Variants in DNAAF6 observed in about 807,000 individuals in gnomAD.
DNAAF6 encodes the protein dynein axonemal assembly factor 6, also known as PIH1 domain containing 3.
Under a neutral mutation model 13.7 loss-of-function variants are expected in DNAAF6, and 3 were observed. The observed-to-expected ratio is 0.22, with a 90% CI of 0.10 to 0.56. DNAAF6 has a LOEUF of 0.56. DNAAF6 is among the 20% of genes least tolerant of loss of function. The pLI, the probability that DNAAF6 is intolerant of heterozygous loss-of-function variation, is 0.92. For missense variants in DNAAF6, 130 were observed against 151.0 expected (o/e 0.86, Z 0.73); for synonymous variants, 54 against 49.2 (o/e 1.10, Z -0.41).
chrX:107,232,088 C>A (rs749503141), intron 5 of DNAAF6, among the ~76,000 whole-genome samples: 2 of 111,785 alleles, frequency 1.8e-5, no homozygotes, highest in Admixed American at 9.5e-5. Flanking sequence ...AAACTCCTGA[C>A]GTGAAGTGAT....
intron 5 of DNAAF6, among the ~76,000 whole-genome samples, chrX:107,228,466 C>A (rs1214408417): frequency 9.1e-6 from 1 of 109,828 alleles, no homozygotes. Context: ...TGCATTTCAG[C>A]TGATGACAAG....
At chrX:107,238,117 T>C (rs1782971447) in intron 5 of DNAAF6, among the ~76,000 whole-genome samples, 2 of 112,750 alleles carry the variant, frequency 1.8e-5, no homozygotes, top group Admixed American at 1.9e-4. Context: ...CATATAACAG[T>C]ACTTTACTCC....
chrX:107,229,223 C>T (rs769347656), intron 5 of DNAAF6, among the ~76,000 whole-genome samples: 4 of 98,054 alleles, frequency 4.1e-5, no homozygotes, highest in Non-Finnish European at 8.0e-5. Flanking sequence ...CTGCAAACTC[C>T]ACCTTCTGGG....
chrX:107,222,083 A>G (rs942545451), intron 4 of DNAAF6, among the ~76,000 whole-genome samples: 2 of 111,189 alleles, frequency 1.8e-5, no homozygotes, highest in Non-Finnish European at 3.8e-5. Context: ...GTGAAATATC[A>G]GGAAAACCTT....
rs900242234 is a variant in DNAAF6, at chrX:107,206,846, C to T, written c.-4+156C>T. Among the ~76,000 whole-genome samples the T allele has an allele frequency of 3.6e-5, 4 of 111,410 alleles. No individual in the cohort carries two copies. The South Asian group carries it at 1.5e-3, about 42-fold the overall frequency. ...GTGGAGAAGACCCGTTCCCTAAATC[C>T]CGCTATCCTAGACTCTTCACTAAAT... On this transcript the variant is annotated intron_variant, in intron 1 of 6. Coordinates refer to ENST00000372453, the MANE Select transcript of DNAAF6 (RefSeq NM_173494.2).
chrX:107,229,341 G>C (rs1194562276), intron 5 of DNAAF6, among the ~76,000 whole-genome samples: 1 of 107,008 alleles, frequency 9.3e-6, no homozygotes, highest in African/African-American at 3.4e-5. Flanking sequence ...TCCCAGGCTG[G>C]TCTCCAACTC....
In DNAAF6 at chrX:107,243,483, T is replaced by G; in HGVS notation, c.*185T>G. The stretch of plus-strand genomic sequence containing the variant: ...CTATTACTCTGTTAGGAAATATGTT[T>G]CCTTGGCCAGGTGCAATGGCTCATG... On this transcript the variant is annotated 3_prime_UTR_variant, in exon 7 of 7. Transcript: ENST00000372453. The G allele has an allele frequency of 1.7e-6, 1 of 584,499 alleles. No individual in the cohort carries two copies. Among genetic ancestry groups the G allele is most frequent in the Non-Finnish European group, 2.4e-6 (1 of 419,028 alleles). The allele number at this position is 584,499 out of a possible 1,213,427, so 48.2% of individuals were successfully genotyped here. A position where few individuals can be genotyped will look rare whatever the true frequency, so the allele number is the denominator to read the frequency against.
intron 5 of DNAAF6, among the ~76,000 whole-genome samples, chrX:107,235,288 G>A (rs1346891757): frequency 1.8e-5 from 2 of 111,619 alleles, no homozygotes. Flanking sequence ...TAAAGTTAGT[G>A]ATGGATACTG....
At chrX:107,231,685 T>C (rs972708390) in intron 5 of DNAAF6, among the ~76,000 whole-genome samples, 2 of 110,590 alleles carry the variant, frequency 1.8e-5, no homozygotes, top group South Asian at 7.9e-4. Flanking sequence ...AAAACTCTCA[T>C]TAACAATGAT....
At position 107,243,892 on chromosome X, in the gene DNAAF6, G is replaced by A. The variant is rs1860225602; in HGVS notation, c.*594G>A. 8.9e-6 allele frequency: 1 copy of A among 112,255 alleles called. No individual in the cohort carries two copies. The highest frequency in any genetic ancestry group is 1.9e-5 in the Non-Finnish European group (1 of 53,195). 9.3% of individuals were successfully genotyped at this position (112,255 alleles called of 1,213,427 possible). A position where few individuals can be genotyped will look rare whatever the true frequency, so the allele number is the denominator to read the frequency against. ...ACACTGTGATACAATCAGTTGCATA[G>A]CAATTGGTCATTATTATTACCAGAG... On this transcript the variant is annotated 3_prime_UTR_variant, in exon 7 of 7. Transcript: ENST00000372453.
intron 1 of DNAAF6, among the ~76,000 whole-genome samples, chrX:107,211,056 C>T (rs1014291952): frequency 9.0e-6 from 1 of 111,391 alleles, no homozygotes; most frequent in African/African-American, 3.3e-5. Context: ...CCTAAAAAGT[C>T]CTCCTGTTTT....
intron 5 of DNAAF6, among the ~76,000 whole-genome samples, chrX:107,236,454 A>G (rs1928515479): frequency 9.0e-6 from 1 of 111,647 alleles, no homozygotes; most frequent in South Asian, 3.8e-4. Context: ...GTTTTAAAGT[A>G]TTGCTGGAAA....
intron 1 of DNAAF6, among the ~76,000 whole-genome samples, chrX:107,212,060 T>G (rs962581766): frequency 8.9e-5 from 10 of 111,824 alleles, no homozygotes; most frequent in Non-Finnish European, 9.4e-5. Context: ...CTGCAGTTAT[T>G]AAAGACACTA....
At position 107,222,774 on chromosome X, in the gene DNAAF6, G is replaced by C. The variant is rs1928175587; in HGVS notation, c.362G>C (p.Gly121Ala). The part of the protein sequence containing the change: ...EYEIIFRQQV[G>A]TEDIFLGLSK... ...GAGATTATATTCAGACAGCAGGTGG[G>C]AACTGAAGATATATTTTTAGGGTTG... The change falls in exon 5 of 7, where the codon GGA becomes GCA. Residue 121 changes from glycine to alanine, a missense_variant. Transcript: ENST00000372453. 9.9e-6 allele frequency: 12 copies of C among 1,206,164 alleles called. No individual in the cohort carries two copies. The East Asian group carries it at 3.6e-4, about 36-fold the overall frequency.
At position 107,238,102 on chromosome X, in the gene DNAAF6, T is replaced by C. The variant is rs1298375765; in HGVS notation, c.430-820T>C. On this transcript the variant is annotated intron_variant, in intron 5 of 6. Transcript: ENST00000372453. ...TCACTTAGCATAATGTTTTCAGGAT[T>C]CATCCATATAACAGTACTTTACTCC... Among the ~76,000 whole-genome samples, 6 of 112,715 alleles carry C rather than the reference T, an allele frequency of 5.3e-5. No homozygotes were observed. The East Asian group carries it at 1.7e-3, about 31-fold the overall frequency.
intron 5 of DNAAF6, among the ~76,000 whole-genome samples, chrX:107,232,267 G>A (rs1928420269): frequency 9.0e-6 from 1 of 111,504 alleles, no homozygotes; most frequent in Admixed American, 9.5e-5. Flanking sequence ...TCCCATCACA[G>A]GAGTCAAGAG....
chrX:107,232,281 T>C (rs1050134026), intron 5 of DNAAF6, among the ~76,000 whole-genome samples: 3 of 110,053 alleles, frequency 2.7e-5, no homozygotes, highest in Non-Finnish European at 1.9e-5. Context: ...TCAAGAGTCC[T>C]CAGAGGCCTC....
chrX:107,228,609 T>A (rs1479070296), intron 5 of DNAAF6, among the ~76,000 whole-genome samples: 1 of 109,511 alleles, frequency 9.1e-6, no homozygotes, highest in Non-Finnish European at 1.9e-5. Context: ...GTTGTCACAA[T>A]GATTACAGAA....
At chrX:107,235,080 C>T (rs989243936) in intron 5 of DNAAF6, among the ~76,000 whole-genome samples, 1 of 111,780 alleles carries the variant, frequency 8.9e-6, no homozygotes, top group Non-Finnish European at 1.9e-5. Context: ...CCAAGGAAAA[C>T]GATTTGCAAG....
Sources: gnomAD v4.1 joint callset for allele counts (sites outside exome capture counted in the v4.1 genomes callset) on GRCh38, gnomAD v4.1.1 for gene constraint, MANE v1.5 for transcripts, NCBI Gene and HGNC (gene_info 2026-07-23, HGNC 2026-07-21) for gene names.